Variants in ADGRV1 observed in about 807,000 individuals in gnomAD.
ADGRV1 encodes the protein adhesion G protein-coupled receptor V1.
In ADGRV1, 359 loss-of-function variants were observed where a neutral mutation model predicts 596.2. That is an observed-to-expected ratio of 0.60 (90% CI 0.55 to 0.66). The LOEUF (loss-of-function observed/expected upper bound fraction) is 0.66, where lower values mean the gene tolerates loss of function less well. ADGRV1 is among the 30% of genes least tolerant of loss of function. ADGRV1 has a pLI of 0.00. For missense variants in ADGRV1, 7,274 were observed against 7,575.6 expected (o/e 0.96, Z 1.48); for synonymous variants, 2,681 against 2,679.2 (o/e 1.00, Z -0.02).
chr5:90,676,031 T>G (rs765325590), intron 24 of ADGRV1, 49 bp from the exon 25 acceptor site: 7 of 1,452,230 alleles, frequency 4.8e-6, no homozygotes, highest in Non-Finnish European at 6.6e-6. Context: ...TGTAATCTAT[T>G]CATATACAGA....
At position 91,138,166 on chromosome 5, in the gene ADGRV1, C is replaced by T. The variant is rs550071580; in HGVS notation, c.18433-11864C>T. 7.9e-5 allele frequency among the ~76,000 whole-genome samples: 12 copies of T among 152,150 alleles called. No individual in the cohort carries two copies. The South Asian group carries it at 2.5e-3, about 32-fold the overall frequency. ...CCCTAGTGATTGCCCAACCATAAAT[C>T]CAACTTCAGCTCTTATTCCAAAAAA... On this transcript the variant is annotated intron_variant, in intron 87 of 89. Coordinates refer to ENST00000405460, the MANE Select transcript of ADGRV1 (RefSeq NM_032119.4).
chr5:90,820,554 C>T (rs755858547), intron 75 of ADGRV1, among the ~76,000 whole-genome samples: 171 of 151,492 alleles, frequency 1.1e-3, no homozygotes, highest in Middle Eastern at 3.4e-3. Flanking sequence ...CGGCTGGTAC[C>T]GGTTGTTCCT....
intron 1 of ADGRV1, among the ~76,000 whole-genome samples, chr5:90,596,573 T>G (rs375405718): frequency 6.6e-6 from 1 of 151,764 alleles, no homozygotes; most frequent in African/African-American, 2.4e-5. Context: ...GGATCACTCG[T>G]GGTTAGGAGC....
intron 23 of ADGRV1, 27 bp from the exon 24 acceptor site, chr5:90,675,216 A>C (rs778317448): frequency 1.9e-6 from 3 of 1,597,098 alleles, no homozygotes; most frequent in Admixed American, 1.7e-5. Context: ...CATTGGGACA[A>C]TGCCCTGGCC....
intron 85 of ADGRV1, among the ~76,000 whole-genome samples, chr5:91,025,297 A>G (rs1262277979): frequency 6.6e-6 from 1 of 151,994 alleles, no homozygotes; most frequent in African/African-American, 2.4e-5. Flanking sequence ...AGGAGCTAAC[A>G]TGTTACAGAA....
chr5:90,850,502 A>G (rs1766377749), intron 79 of ADGRV1, among the ~76,000 whole-genome samples: 1 of 152,182 alleles, frequency 6.6e-6, no homozygotes, highest in African/African-American at 2.4e-5. Flanking sequence ...ATTTGCTTCA[A>G]GTAAGTTTGC....
At chr5:90,718,111 G>A (rs1218447660) in intron 43 of ADGRV1, 1 of 151,988 alleles carries the variant, frequency 6.6e-6, no homozygotes, top group Non-Finnish European at 1.5e-5. Context: ...TCATTCCAAG[G>A]ACAAACTCTG....
intron 83 of ADGRV1, among the ~76,000 whole-genome samples, chr5:90,869,791 C>G (rs1474631855): frequency 6.6e-6 from 1 of 152,032 alleles, no homozygotes; most frequent in African/African-American, 2.4e-5. Context: ...TAATATTATT[C>G]TCATTTTACA....
In ADGRV1 at chr5:90,838,348, C is replaced by T. The variant is rs893350477; in HGVS notation, c.16612-2230C>T. Among the ~76,000 whole-genome samples the T allele has an allele frequency of 6.6e-5, 10 of 151,920 alleles. No homozygotes were observed. In the South Asian group the frequency reaches 2.1e-3, roughly 32 times the overall value. On this transcript the variant is annotated intron_variant, in intron 77 of 89. Transcript: ENST00000405460. The stretch of plus-strand genomic sequence containing the variant: ...CACACCTTCCTGCTCTTAATCCTTA[C>T]CTCACTTGGAGCTCCTTCCTGTTGG...
chr5:91,039,689 A>G (rs1053307850), intron 85 of ADGRV1, among the ~76,000 whole-genome samples: 9 of 152,324 alleles, frequency 5.9e-5, no homozygotes, highest in Admixed American at 1.3e-4. Flanking sequence ...TGATTTCAGT[A>G]CAGGCCAGTG....
In ADGRV1 at chr5:90,777,932, G is replaced by A. The variant is rs1758417905; in HGVS notation, c.12555G>A (p.Gly4185=). 2.6e-5 allele frequency: 42 copies of A among 1,612,042 alleles called. No individual in the cohort carries two copies. Among genetic ancestry groups the A allele is most frequent in the Non-Finnish European group, 3.4e-5 (40 of 1,178,736 alleles). The part of the protein sequence containing the change: ...ISLVRGPGIL[G]EVTVFWRIFP... ...TTGTTCGAGGCCCAGGGATTTTGGG[G>A]GAGGTCACAGTGTTCTGGAGGATAT... The change falls in exon 62 of 90, where the codon GGG becomes GGA. Residue 4185 remains glycine, a synonymous_variant. Transcript: ENST00000405460.
intron 85 of ADGRV1, chr5:91,031,269 C>A: frequency 1.3e-6 from 2 of 1,585,420 alleles, no homozygotes. Context: ...GTTCCAAGGC[C>A]AGCCTGTTGT....
intron 87 of ADGRV1, among the ~76,000 whole-genome samples, chr5:91,147,162 G>T (rs1795611082): frequency 8.4e-6 from 1 of 119,332 alleles, no homozygotes; most frequent in Non-Finnish European, 1.6e-5. Context: ...GGGTGACACA[G>T]CAAGACCTTG....
At chr5:90,974,623 G>C (rs1195589567) in intron 84 of ADGRV1, among the ~76,000 whole-genome samples, 5 of 152,158 alleles carry the variant, frequency 3.3e-5, no homozygotes, top group African/African-American at 4.8e-5. Flanking sequence ...TTAATAAATG[G>C]TGCTGGGAAA....
At chr5:90,703,575 G>T (rs1405213379) in intron 34 of ADGRV1, 90 bp from the exon 35 acceptor site, 28 of 908,600 alleles carry the variant, frequency 3.1e-5, no homozygotes, top group Non-Finnish European at 4.4e-5. Context: ...TGCTGTAATA[G>T]TTGCATGCTT....
rs1770126141 is a variant in ADGRV1, at chr5:90,884,773, C to T, written c.17856+20916C>T. Among the ~76,000 whole-genome samples the T allele has an allele frequency of 1.3e-5, 2 of 152,114 alleles. 1 individual carries two copies. Among genetic ancestry groups the T allele is most frequent in the African/African-American group, 4.8e-5 (2 of 41,414 alleles). ...AATAATCGTCTTGATTTAAGGTGACCAGTTATCTCCACCTGCCTAGGACTG... is the reference window on the plus strand; with the variant it reads ...AATAATCGTCTTGATTTAAGGTGACTAGTTATCTCCACCTGCCTAGGACTG... On this transcript the variant is annotated intron_variant, in intron 83 of 89. Coordinates refer to ENST00000405460, the MANE Select transcript of ADGRV1 (RefSeq NM_032119.4).
At chr5:90,664,502 G>T (rs1770952170) in intron 21 of ADGRV1, among the ~76,000 whole-genome samples, 1 of 146,706 alleles carries the variant, frequency 6.8e-6, no homozygotes, top group South Asian at 2.2e-4. Flanking sequence ...ATCAGCTTAA[G>T]GAGATTTTGG....
chr5:90,733,548 C>T (rs1242046935), intron 50 of ADGRV1, among the ~76,000 whole-genome samples: 1 of 152,190 alleles, frequency 6.6e-6, no homozygotes, highest in Non-Finnish European at 1.5e-5. Context: ...AGGTGCCCAA[C>T]TACTGCTTTC....
intron 83 of ADGRV1, among the ~76,000 whole-genome samples, chr5:90,907,182 T>TAAA: frequency 6.6e-6 from 1 of 152,204 alleles, no homozygotes; most frequent in East Asian, 1.9e-4. Context: ...ATGGTGTACA[T>TAAA]ATTTTATATT....
Sources: allele counts gnomAD v4.1 joint callset (sites outside exome capture counted in the v4.1 genomes callset), GRCh38; gene constraint gnomAD v4.1.1; transcripts MANE v1.5; gene names NCBI Gene and HGNC (gene_info 2026-07-23, HGNC 2026-07-21).